NT5C3A: variants seen among roughly 807,000 people sequenced by gnomAD.
NT5C3A encodes the protein 5'-nucleotidase, cytosolic IIIA, also known as cytosolic 5'-nucleotidase 3A.
NT5C3A carries 23 observed loss-of-function variants against 40.0 expected under a neutral mutation model. The ratio of observed to expected loss-of-function variants is 0.58; its 90% CI spans 0.41 to 0.81. NT5C3A has a LOEUF of 0.81. Ranked by LOEUF, NT5C3A falls within the 40% of genes least tolerant of loss-of-function variation. The pLI is 0.00. For synonymous variants in NT5C3A, 130 were observed against 141.4 expected (o/e 0.92, Z 0.57); for missense variants, 328 against 403.0 (o/e 0.81, Z 1.59).
chr7:33,031,404 G>A (rs1464120228), intron 1 of NT5C3A, among the ~76,000 whole-genome samples: 4 of 151,144 alleles, frequency 2.6e-5, no homozygotes, highest in Non-Finnish European at 2.9e-5. Flanking sequence ...GCTGGGCAAC[G>A]TGGCAAAACC....
At position 33,039,555 on chromosome 7, in the gene NT5C3A, G is replaced by GTTTTTTTTTTTTTTTTTTT. The variant is rs776873396; in HGVS notation, c.139-12641_139-12640insAAAAAAAAAAAAAAAAAAA. ...TACTATTTGACTTTCTTAAGCTTGG[G>GTTTTTTTTTTTTTTTTTTT]TTTTTTGTTTTTTTTTTTTTTTAAT... On this transcript the variant is annotated intron_variant, in intron 1 of 8. Coordinates refer to ENST00000610140, the MANE Select transcript of NT5C3A (RefSeq NM_001002010.5). 5.7e-5 allele frequency among the ~76,000 whole-genome samples: 4 copies of GTTTTTTTTTTTTTTTTTTT among 70,034 alleles called. 1 individual carries two copies. The highest frequency in any genetic ancestry group is 1.2e-4 in the African/African-American group (2 of 17,050). The allele number at this position is 70,034 out of a possible 152,430, so 45.9% of individuals were successfully genotyped here. A position where few individuals can be genotyped will look rare whatever the true frequency, so the allele number is the denominator to read the frequency against.
chr7:33,031,159 G>A (rs1381599076), intron 1 of NT5C3A, among the ~76,000 whole-genome samples: 1 of 152,012 alleles, frequency 6.6e-6, no homozygotes, highest in East Asian at 1.9e-4. Flanking sequence ...AAATTTCTGG[G>A]TGTGGCTTGG....
rs1195574061 is a variant in NT5C3A, at chr7:33,040,895, C to T, written c.139-13980G>A. On this transcript the variant is annotated intron_variant, in intron 1 of 8. Coordinates refer to ENST00000610140, the MANE Select transcript of NT5C3A (RefSeq NM_001002010.5). ...ACCCTGAAGGTAACCGGACGAGCTA[C>T]ACCAGCAAAAGAAAATTCTTCCTGT... The T allele has an allele frequency of 2.7e-5, 27 of 985,306 alleles. No homozygotes were observed. The Admixed American group carries it at 1.7e-3, about 61-fold the overall frequency. The allele number at this position is 985,306 out of a possible 1,614,324, so 61.0% of individuals were successfully genotyped here.
chr7:33,047,475 C>T (rs528501038), intron 1 of NT5C3A, among the ~76,000 whole-genome samples: 2 of 152,038 alleles, frequency 1.3e-5, no homozygotes, highest in South Asian at 4.2e-4. Context: ...GAAGGACTGG[C>T]GGGTGATAAC....
rs757016387 is a variant in NT5C3A at position 33,021,321 on chromosome 7, CT to C, written c.390del (p.Val131LeufsTer7). On this transcript the variant is annotated frameshift_variant, in exon 5 of 9. Coordinates refer to ENST00000610140, the MANE Select transcript of NT5C3A (RefSeq NM_001002010.5). LOFTEE classifies it high-confidence loss of function. ...TCTTCTACAGTAAGAACAGGATCAA[CT>C]TCAATAGCGTAATATTTTTCCTTTA... ...LQLKEKYYAI[E>X]VDPVLTVEEK... The C allele has an allele frequency of 2.5e-6, 4 of 1,612,118 alleles. No individual in the cohort carries two copies. Among genetic ancestry groups the C allele is most frequent in the Non-Finnish European group, 3.4e-6 (4 of 1,178,668 alleles).
At chr7:33,044,030 T>C (rs1450986490) in intron 1 of NT5C3A, among the ~76,000 whole-genome samples, 1 of 151,916 alleles carries the variant, frequency 6.6e-6, no homozygotes, top group East Asian at 1.9e-4. Flanking sequence ...CACTTTTTTT[T>C]TTCTTTTTTT....
intron 4 of NT5C3A, chr7:33,021,691 A>C (rs1785638333): frequency 2.5e-6 from 1 of 400,098 alleles, no homozygotes; most frequent in African/African-American, 2.0e-5. Context: ...ACACATACAT[A>C]CTCAAGCGAA....
At chr7:33,051,594 T>G (rs1241741934) in intron 1 of NT5C3A, among the ~76,000 whole-genome samples, 1 of 152,218 alleles carries the variant, frequency 6.6e-6, no homozygotes, top group Non-Finnish European at 1.5e-5. Flanking sequence ...TAAAGTCCTA[T>G]AGATTTCACC....
At chr7:33,058,340 TTTTTATTTTA>T (rs139814535) in intron 1 of NT5C3A, among the ~76,000 whole-genome samples, 11 of 151,072 alleles carry the variant, frequency 7.3e-5, no homozygotes, top group Admixed American at 3.3e-4. Context: ...TTTTATTATT[TTTTTATTTTA>T]TTTTATTTTA....
intron 1 of NT5C3A, among the ~76,000 whole-genome samples, chr7:33,055,865 C>A (rs533782423): frequency 4.2e-4 from 64 of 152,134 alleles, no homozygotes; most frequent in South Asian, 2.3e-3. Flanking sequence ...AATCCCAGCA[C>A]TTTGGAAGGC....
Position 33,014,728 on chromosome 7 carries a change from G to T in NT5C3A, c.*2C>A. The T allele has an allele frequency of 1.2e-6, 2 of 1,611,572 alleles. No homozygotes were observed. Among genetic ancestry groups the T allele is most frequent in the Non-Finnish European group, 1.7e-6 (2 of 1,179,402 alleles). On this transcript the variant is annotated 3_prime_UTR_variant, in exon 9 of 9. Transcript: ENST00000610140. ...AGAGAGGTCTTCTTGGAGAATGCTTGTTTATAGAATCTTCTGTAAAATAGA... is the reference window on the plus strand; with the variant it reads ...AGAGAGGTCTTCTTGGAGAATGCTTTTTTATAGAATCTTCTGTAAAATAGA...
intron 1 of NT5C3A, chr7:33,040,998 T>C: frequency 1.0e-6 from 1 of 985,450 alleles, no homozygotes; most frequent in Non-Finnish European, 1.2e-6. Flanking sequence ...GCAAAAACCT[T>C]GTGACGCACT....
At chr7:33,016,112 A>C (rs1367735984) in intron 7 of NT5C3A, among the ~76,000 whole-genome samples, 1 of 152,194 alleles carries the variant, frequency 6.6e-6, no homozygotes, top group Non-Finnish European at 1.5e-5. Flanking sequence ...GCAGGGGCTC[A>C]CACCTGTAAT....
chr7:33,014,504 T>TTAAGA lies in NT5C3A; in HGVS notation c.*225_*226insTCTTA, dbSNP rs71309087. Reference sequence around the variant, plus strand: ...GGGAGTTATTTTTCTAATTTTAGCTTTTTTTTTTTTTTAAATGGGTTAAAA... The same window carrying TTAAGA: ...GGGAGTTATTTTTCTAATTTTAGCTTTAAGATTTTTTTTTTTTAAATGGGTTAAAA... On this transcript the variant is annotated 3_prime_UTR_variant, in exon 9 of 9. Coordinates refer to ENST00000610140, the MANE Select transcript of NT5C3A (RefSeq NM_001002010.5). 1,071 of 347,064 alleles carry TTAAGA rather than the reference T, an allele frequency of 3.1e-3. 1 individual carries two copies. The highest frequency in any genetic ancestry group is 5.3e-3 in the East Asian group (72 of 13,518). 21.5% of individuals were successfully genotyped at this position (347,064 alleles called of 1,614,324 possible). A position where few individuals can be genotyped will look rare whatever the true frequency, so the allele number is the denominator to read the frequency against.
chr7:33,027,429 A>C (rs2127999451), intron 1 of NT5C3A, among the ~76,000 whole-genome samples: 1 of 152,370 alleles, frequency 6.6e-6, no homozygotes, highest in East Asian at 1.9e-4. Flanking sequence ...TTCCAGCTAC[A>C]GAGTAAGATA....
In NT5C3A at chr7:33,015,711, T is replaced by A. The variant is rs1276762362; in HGVS notation, c.853A>T (p.Asn285Tyr). The A allele has an allele frequency of 6.2e-7, 1 of 1,611,540 alleles. No individual in the cohort carries two copies. ...CCAATTTTCAGAATGTGCTCAACAT[T>A]GGCCACTCCATCTGCCATTCTTAAG... ...GDLRMADGVA[N>Y]VEHILKIGYL... Residue 285 changes from asparagine (N) to tyrosine (Y), a missense_variant, in exon 8 of 9, where the codon AAT (asparagine) becomes TAT (tyrosine). Asn to Tyr is a moderately radical substitution (Grantham distance 143). Transcript: ENST00000610140.
rs140582948 is a variant in NT5C3A, at chr7:33,051,952, G to A, written c.138+10616C>T. ...TAAAAGCAATACATGCTCATGATAT[G>A]TCAAACAATATAAAAAGTTAAAGGA... On this transcript the variant is annotated intron_variant, in intron 1 of 8. Coordinates refer to ENST00000610140, the MANE Select transcript of NT5C3A (RefSeq NM_001002010.5). Among the ~76,000 whole-genome samples, 1,195 of 152,252 alleles carry A rather than the reference G, an allele frequency of 7.8e-3. 11 individuals are homozygous for A. Among genetic ancestry groups the A allele is most frequent in the African/African-American group, 0.027 (1,107 of 41,558 alleles).
chr7:33,019,831 T>C, intron 5 of NT5C3A, 107 bp from the exon 6 acceptor site: 2 of 723,606 alleles, frequency 2.8e-6, no homozygotes, highest in South Asian at 1.5e-5. Context: ...TCCTCATATT[T>C]GGATTTAAAT....
At chr7:33,055,541 T>G (rs1209006127) in intron 1 of NT5C3A, among the ~76,000 whole-genome samples, 1 of 152,150 alleles carries the variant, frequency 6.6e-6, no homozygotes, top group African/African-American at 2.4e-5. Flanking sequence ...AAGCAGAAAA[T>G]TCAGCTTGAC....
Sources: allele counts gnomAD v4.1 joint callset (sites outside exome capture counted in the v4.1 genomes callset), GRCh38; gene constraint gnomAD v4.1.1; transcripts MANE v1.5; gene names NCBI Gene and HGNC (gene_info 2026-07-23, HGNC 2026-07-21).